The following ASTN2 variants were observed in gnomAD, a reference collection of about 807,000 sequenced individuals.
The protein encoded by ASTN2 is astrotactin-2.
Under a neutral mutation model 139.8 loss-of-function variants are expected in ASTN2, and 54 were observed. The observed-to-expected ratio is 0.39, with a 90% CI of 0.31 to 0.48. The LOEUF (loss-of-function observed/expected upper bound fraction) is 0.48. Among genes scored for constraint, ASTN2 ranks in the 20% least tolerant of loss-of-function variants. The pLI is 0.95. For synonymous variants in ASTN2, 756 were observed against 719.5 expected (o/e 1.05, Z -0.81); for missense variants, 1,565 against 1,725.1 (o/e 0.91, Z 1.64).
chr9:116,785,064 C>G (rs192539235), intron 13 of ASTN2, among the ~76,000 whole-genome samples: 1 of 152,192 alleles, frequency 6.6e-6, no homozygotes, highest in East Asian at 1.9e-4. Context: ...TATTCAGTCT[C>G]TTAACAATTC....
At chr9:116,737,295 GA>G (rs1828952130) in intron 13 of ASTN2, among the ~76,000 whole-genome samples, 1 of 152,186 alleles carries the variant, frequency 6.6e-6, no homozygotes, top group African/African-American at 2.4e-5. Context: ...ATGGATGAGA[GA>G]GTAGCTGCTG....
chr9:116,697,126 A>G (rs1860901690), intron 16 of ASTN2, among the ~76,000 whole-genome samples: 1 of 152,192 alleles, frequency 6.6e-6, no homozygotes. Context: ...GTACTCCAGC[A>G]GAACATTATG....
At chr9:117,108,057 A>G (rs16934320) in intron 4 of ASTN2, among the ~76,000 whole-genome samples, 15,950 of 152,186 alleles carry the variant, frequency 0.1, 923 homozygotes, top group East Asian at 0.22. Context: ...ACATTTATGT[A>G]TGGTACAATC....
At chr9:117,105,626 C>A (rs1361206059) in intron 4 of ASTN2, among the ~76,000 whole-genome samples, 4 of 152,228 alleles carry the variant, frequency 2.6e-5, no homozygotes, top group East Asian at 3.9e-4. Flanking sequence ...GATGTTATAT[C>A]ATGCAACCAT....
intron 10 of ASTN2, among the ~76,000 whole-genome samples, chr9:116,935,059 T>C (rs905381383): frequency 2.0e-5 from 3 of 152,216 alleles, no homozygotes; most frequent in Non-Finnish European, 4.4e-5. Context: ...TGCTAGGTTG[T>C]TGTTAGGAGT....
chr9:116,795,576 C>T (rs922962099), intron 13 of ASTN2, among the ~76,000 whole-genome samples: 6 of 152,336 alleles, frequency 3.9e-5, no homozygotes, highest in Admixed American at 3.9e-4. Context: ...GCATGAAGGG[C>T]TGAGCTTCTG....
intron 22 of ASTN2, among the ~76,000 whole-genome samples, chr9:116,439,100 C>A (rs1290531175): frequency 6.7e-6 from 1 of 150,274 alleles, no homozygotes; most frequent in Non-Finnish European, 1.5e-5. Context: ...TGCTTTTGTT[C>A]ATTGTCTTGA....
At chr9:117,303,629 T>C (rs939319593) in intron 1 of ASTN2, among the ~76,000 whole-genome samples, 4 of 152,212 alleles carry the variant, frequency 2.6e-5, no homozygotes, top group African/African-American at 7.2e-5. Flanking sequence ...TGCTCATAGA[T>C]CCATATCCTT....
chr9:117,104,617 T>A (rs150391373), intron 4 of ASTN2, among the ~76,000 whole-genome samples: 9 of 152,310 alleles, frequency 5.9e-5, no homozygotes, highest in African/African-American at 1.7e-4. Flanking sequence ...ATAAAATATA[T>A]GTAAATACAC....
At chr9:117,188,691 T>C (rs1387209780) in intron 3 of ASTN2, among the ~76,000 whole-genome samples, 4 of 152,118 alleles carry the variant, frequency 2.6e-5, no homozygotes, top group Non-Finnish European at 4.4e-5. Flanking sequence ...AAAGCATGCA[T>C]AGATGAGAAT....
intron 2 of ASTN2, among the ~76,000 whole-genome samples, chr9:117,282,531 C>G (rs1834349034): frequency 6.6e-6 from 1 of 152,210 alleles, no homozygotes; most frequent in African/African-American, 2.4e-5. Flanking sequence ...GGGGTACATT[C>G]TATTGCTGTG....
At chr9:116,775,546 G>A (rs1364561156) in intron 13 of ASTN2, among the ~76,000 whole-genome samples, 1 of 115,928 alleles carries the variant, frequency 8.6e-6, no homozygotes, top group Non-Finnish European at 1.8e-5. Flanking sequence ...CAGGGGAGGG[G>A]AGGGGAGGGG....
intron 1 of ASTN2, among the ~76,000 whole-genome samples, chr9:117,324,031 G>GTGCC (rs1455278923): frequency 2.0e-5 from 3 of 152,148 alleles, no homozygotes; most frequent in Non-Finnish European, 4.4e-5. Flanking sequence ...GGAGAAAGAA[G>GTGCC]TGCCAATCAG....
intron 10 of ASTN2, among the ~76,000 whole-genome samples, chr9:116,925,042 C>T (rs1834716065): frequency 6.6e-6 from 1 of 152,082 alleles, no homozygotes; most frequent in African/African-American, 2.4e-5. Context: ...AATCAAATCC[C>T]TTATTTTACA....
At chr9:116,516,095 A>T (rs560408250) in intron 19 of ASTN2, among the ~76,000 whole-genome samples, 2 of 152,326 alleles carry the variant, frequency 1.3e-5, no homozygotes, top group Admixed American at 6.5e-5. Flanking sequence ...TATAAATACG[A>T]TTTCTTGAAC....
chr9:116,783,506 A>T (rs114061952), intron 13 of ASTN2, among the ~76,000 whole-genome samples: 3,009 of 152,278 alleles, frequency 0.02, 110 homozygotes, highest in African/African-American at 0.069. Flanking sequence ...TGTAGTGAGC[A>T]TCTACTATGC....
At chr9:117,201,044 A>G (rs1008898593) in intron 3 of ASTN2, among the ~76,000 whole-genome samples, 1 of 132,746 alleles carries the variant, frequency 7.5e-6, no homozygotes, top group African/African-American at 2.9e-5. Flanking sequence ...TACTGCCTCA[A>G]TTTCAGAGCT....
chr9:116,429,587 T>A (rs1847431609), intron 22 of ASTN2, among the ~76,000 whole-genome samples: 1 of 152,150 alleles, frequency 6.6e-6, no homozygotes, highest in African/African-American at 2.4e-5. Context: ...ACCTGATGCT[T>A]GCTAGAAAGT....
intron 10 of ASTN2, among the ~76,000 whole-genome samples, chr9:116,926,384 A>G (rs1454011972): frequency 6.6e-6 from 1 of 152,140 alleles, no homozygotes; most frequent in Non-Finnish European, 1.5e-5. Flanking sequence ...CTTTGGTGCT[A>G]TATCTTCTAT....
Sources: gnomAD v4.1 joint callset for allele counts (sites outside exome capture counted in the v4.1 genomes callset) on GRCh38, gnomAD v4.1.1 for gene constraint, MANE v1.5 for transcripts, NCBI Gene and HGNC (gene_info 2026-07-23, HGNC 2026-07-21) for gene names.